The following DCAF10 variants were observed in gnomAD, a reference collection of about 807,000 sequenced individuals.
DCAF10 encodes the protein DDB1- and CUL4-associated factor 10.
Under a neutral mutation model 51.9 loss-of-function variants are expected in DCAF10, and 19 were observed. That is an observed-to-expected ratio of 0.37 (90% CI 0.26 to 0.54). The LOEUF (loss-of-function observed/expected upper bound fraction) is 0.54, where lower values mean the gene tolerates loss of function less well. Ranked by LOEUF, DCAF10 falls within the 20% of genes least tolerant of loss-of-function variation. The pLI is 0.87. For synonymous variants in DCAF10, 291 were observed against 297.1 expected, an observed-to-expected ratio of 0.98 and a Z score of 0.21; for missense variants, 510 against 730.6, an observed-to-expected ratio of 0.70 and a Z score of 3.48.
upstream of DCAF10, chr9:37,800,657 C>G (rs993148231): frequency 2.0e-6 from 3 of 1,535,942 alleles, no homozygotes; most frequent in Non-Finnish European, 2.6e-6. Flanking sequence ...GGTAACTACT[C>G]GCTCCCTACC....
chr9:37,859,227 A>G (rs1830942707), intron 5 of DCAF10, among the ~76,000 whole-genome samples: 1 of 152,208 alleles, frequency 6.6e-6, no homozygotes, highest in South Asian at 2.1e-4. Flanking sequence ...GCAATTCACA[A>G]AGGATCTGAC....
chr9:37,807,108 A>C (rs1829137702), intron 1 of DCAF10, among the ~76,000 whole-genome samples: 2 of 152,206 alleles, frequency 1.3e-5, no homozygotes, highest in South Asian at 4.1e-4. Flanking sequence ...AACATTTTAA[A>C]ATATACTTAC....
chr9:37,814,302 T>A (rs1829461495), intron 1 of DCAF10, among the ~76,000 whole-genome samples: 1 of 82,120 alleles, frequency 1.2e-5, no homozygotes, highest in Non-Finnish European at 2.6e-5. Context: ...CCACGCCGGC[T>A]TTTTTTTTTT....
intron 2 of DCAF10, 26 bp downstream of exon 2, chr9:37,819,427 C>CTT (rs1401972090): frequency 6.4e-7 from 1 of 1,572,298 alleles, no homozygotes; most frequent in Non-Finnish European, 8.7e-7. Context: ...AAAAAGTGAA[C>CTT]TTTATCAGTG....
At chr9:37,835,720 C>A (rs902608603) in intron 2 of DCAF10, among the ~76,000 whole-genome samples, 2 of 152,104 alleles carry the variant, frequency 1.3e-5, no homozygotes, top group Admixed American at 1.3e-4. Flanking sequence ...GCCTGGGCAA[C>A]AAGAGTGAAA....
chr9:37,803,926 G>GT, intron 1 of DCAF10, among the ~76,000 whole-genome samples: 1 of 151,198 alleles, frequency 6.6e-6, no homozygotes, highest in African/African-American at 2.4e-5. Context: ...GGGTTAGAAG[G>GT]TATTTTCTAA....
intron 2 of DCAF10, among the ~76,000 whole-genome samples, 193 bp from the exon 3 acceptor site, chr9:37,841,896 A>G (rs1045497629): frequency 8.5e-5 from 13 of 152,202 alleles, no homozygotes; most frequent in Non-Finnish European, 1.8e-4. Context: ...CTGTCATTAA[A>G]TCATAGTATC....
chr9:37,847,253 C>CAAAA (rs78089886), intron 3 of DCAF10, among the ~76,000 whole-genome samples: 52 of 32,954 alleles, frequency 1.6e-3, no homozygotes, highest in Non-Finnish European at 2.5e-3. Flanking sequence ...AACTCCATCT[C>CAAAA]AAAAAAAAAA....
chr9:37,858,844 A>C (rs1378725631), intron 5 of DCAF10, among the ~76,000 whole-genome samples: 1 of 152,166 alleles, frequency 6.6e-6, no homozygotes, highest in East Asian at 1.9e-4. Context: ...AGCACAAATA[A>C]AATCAAAGTA....
chr9:37,846,124 A>C (rs1830465079), intron 3 of DCAF10, among the ~76,000 whole-genome samples: 1 of 152,216 alleles, frequency 6.6e-6, no homozygotes, highest in Admixed American at 6.5e-5. Context: ...AATGCAAAGA[A>C]ATTGAACCCT....
intron 6 of DCAF10, 111 bp downstream of exon 6, chr9:37,860,304 A>T: frequency 7.3e-7 from 1 of 1,366,658 alleles, no homozygotes; most frequent in Non-Finnish European, 1.0e-6. Context: ...TCAAGGGCAT[A>T]CTGCTAGAGA....
chr9:37,803,534 C>T (rs1305533872), intron 1 of DCAF10, among the ~76,000 whole-genome samples: 2 of 151,622 alleles, frequency 1.3e-5, no homozygotes, highest in Non-Finnish European at 2.9e-5. Flanking sequence ...ATTCTGATTC[C>T]TACATTCTAG....
intron 1 of DCAF10, among the ~76,000 whole-genome samples, chr9:37,804,331 G>A (rs1198773530): frequency 6.6e-6 from 1 of 150,898 alleles, no homozygotes; most frequent in East Asian, 2.0e-4. Flanking sequence ...GGTGTAAGGG[G>A]GACTATTTGA....
chr9:37,828,611 A>T (rs1171719021), intron 2 of DCAF10, among the ~76,000 whole-genome samples: 1 of 152,204 alleles, frequency 6.6e-6, no homozygotes, highest in Non-Finnish European at 1.5e-5. Flanking sequence ...ACTTATATAG[A>T]ACAGCAAGAG....
chr9:37,820,034 T>TA (rs1423623457), intron 2 of DCAF10, among the ~76,000 whole-genome samples: 1 of 152,230 alleles, frequency 6.6e-6, no homozygotes, highest in Non-Finnish European at 1.5e-5. Context: ...GGAAATATTT[T>TA]AAAATTCTAA....
intron 1 of DCAF10, among the ~76,000 whole-genome samples, chr9:37,812,040 T>C (rs1829363760): frequency 6.6e-6 from 1 of 151,188 alleles, no homozygotes; most frequent in Non-Finnish European, 1.5e-5. Context: ...ATTAGCCGGG[T>C]GTGGTGGCAT....
chr9:37,845,595 A>G (rs1830450364), intron 3 of DCAF10, among the ~76,000 whole-genome samples: 2 of 152,228 alleles, frequency 1.3e-5, no homozygotes, highest in Non-Finnish European at 2.9e-5. Context: ...CTGTTAAAAG[A>G]TTGAACTTCT....
intron 1 of DCAF10, among the ~76,000 whole-genome samples, chr9:37,816,231 A>G (rs1295497679): frequency 6.6e-6 from 1 of 152,262 alleles, no homozygotes; most frequent in Non-Finnish European, 1.5e-5. Flanking sequence ...GAAGATTTAA[A>G]TAAATGGAGA....
chr9:37,838,878 A>G, intron 2 of DCAF10, among the ~76,000 whole-genome samples: 1 of 152,110 alleles, frequency 6.6e-6, no homozygotes, highest in Non-Finnish European at 1.5e-5. Flanking sequence ...CAAAAAAAAA[A>G]AAATTAAAAA....
Sources: gnomAD v4.1 joint callset for allele counts (sites outside exome capture counted in the v4.1 genomes callset) on GRCh38, gnomAD v4.1.1 for gene constraint, MANE v1.5 for transcripts, NCBI Gene and HGNC (gene_info 2026-07-23, HGNC 2026-07-21) for gene names.